The following DLG2 variants were observed in gnomAD, a reference collection of about 807,000 sequenced individuals.
DLG2 encodes the protein discs large MAGUK scaffold protein 2, also known as disks large homolog 2.
Under a neutral mutation model 132.5 loss-of-function variants are expected in DLG2, and 45 were observed. That is an observed-to-expected ratio of 0.34 (90% confidence interval 0.27 to 0.44). The LOEUF (loss-of-function observed/expected upper bound fraction) is 0.44, where lower values mean the gene tolerates loss of function less well. DLG2 is among the 20% of genes least tolerant of loss of function. The probability of loss-of-function intolerance (pLI) is 1.00; values close to 1 mark genes in which losing one functional copy is unlikely to be tolerated. For missense variants in DLG2, 1,045 were observed against 1,196.9 expected (o/e 0.87, Z 1.87); for synonymous variants, 424 against 419.6 (o/e 1.01, Z -0.13).
rs1262901071 is a variant in DLG2, at chr11:85,086,983, A to G, written c.357+24678T>C. Among the ~76,000 whole-genome samples, 7 of 152,170 alleles carry G rather than the reference A, an allele frequency of 4.6e-5. No homozygotes were observed. In the East Asian group the frequency reaches 1.2e-3, roughly 25 times the overall value. ...TTTAAATATCTTTGTGTTCATTTCCATATGTTATTTTCTCAATAGCCTTTT... is the reference window on the plus strand; with the variant it reads ...TTTAAATATCTTTGTGTTCATTTCCGTATGTTATTTTCTCAATAGCCTTTT... On this transcript the variant is annotated intron_variant, in intron 6 of 27. Transcript: ENST00000376104.
intron 6 of DLG2, among the ~76,000 whole-genome samples, chr11:84,946,886 G>T (rs1379012492): frequency 2.0e-5 from 3 of 152,192 alleles, no homozygotes; most frequent in African/African-American, 7.2e-5. Flanking sequence ...CGGAACTCAG[G>T]TTCTGGCTGC....
intron 6 of DLG2, among the ~76,000 whole-genome samples, chr11:84,899,089 A>G (rs1311981094): frequency 6.6e-6 from 1 of 152,068 alleles, no homozygotes; most frequent in African/African-American, 2.4e-5. Flanking sequence ...GGCCAACAGA[A>G]TAGATCACTA....
chr11:83,986,301 T>C (rs1156487368), intron 11 of DLG2, among the ~76,000 whole-genome samples: 4 of 151,136 alleles, frequency 2.6e-5, no homozygotes, highest in Non-Finnish European at 2.9e-5. Context: ...TGAGTGAGAA[T>C]ATGCGGCATT....
chr11:84,349,264 C>A (rs1275234464), intron 7 of DLG2, among the ~76,000 whole-genome samples: 1 of 152,008 alleles, frequency 6.6e-6, no homozygotes, highest in Non-Finnish European at 1.5e-5. Flanking sequence ...ATTGATGGGT[C>A]AGAAAATATT....
At chr11:83,723,147 G>A (rs888114450) in intron 18 of DLG2, among the ~76,000 whole-genome samples, 6 of 151,850 alleles carry the variant, frequency 4.0e-5, no homozygotes, top group East Asian at 2.0e-4. Context: ...TTGGGAGGCC[G>A]AGGAGGGCAG....
chr11:85,240,287 T>A (rs2075811953), intron 4 of DLG2, among the ~76,000 whole-genome samples: 1 of 151,908 alleles, frequency 6.6e-6, no homozygotes, highest in South Asian at 2.1e-4. Flanking sequence ...TATATATTGA[T>A]GTTGACTTTA....
chr11:84,277,049 A>G (rs2154367907), intron 7 of DLG2, among the ~76,000 whole-genome samples: 1 of 152,306 alleles, frequency 6.6e-6, no homozygotes. Context: ...AGTTGTGGCC[A>G]ATGGACTTGT....
intron 8 of DLG2, among the ~76,000 whole-genome samples, chr11:84,196,805 C>T (rs1412152387): frequency 6.6e-6 from 1 of 151,846 alleles, no homozygotes; most frequent in Admixed American, 6.6e-5. Context: ...CTTTGGGAGG[C>T]CGAGACGGGT....
chr11:83,719,184 A>G (rs541911992), intron 18 of DLG2, among the ~76,000 whole-genome samples: 1 of 152,334 alleles, frequency 6.6e-6, no homozygotes, highest in African/African-American at 2.4e-5. Flanking sequence ...AGGTGTATGC[A>G]TATGGCACTT....
intron 2 of DLG2, among the ~76,000 whole-genome samples, chr11:85,614,820 T>C (rs895178718): frequency 3.9e-5 from 6 of 152,236 alleles, no homozygotes; most frequent in African/African-American, 1.2e-4. Context: ...GGGGAAATTT[T>C]AGACTGAGGG....
intron 5 of DLG2, among the ~76,000 whole-genome samples, chr11:85,141,231 T>C (rs980233712): frequency 4.0e-5 from 6 of 151,854 alleles, no homozygotes; most frequent in African/African-American, 1.2e-4. Flanking sequence ...CCAGAACTCA[T>C]TATTTCCTGC....
chr11:84,436,072 C>T (rs2098999704), intron 7 of DLG2, among the ~76,000 whole-genome samples: 1 of 152,110 alleles, frequency 6.6e-6, no homozygotes, highest in African/African-American at 2.4e-5. Context: ...ACCTCAAAAG[C>T]CAACTGTTCA....
intron 3 of DLG2, among the ~76,000 whole-genome samples, chr11:85,544,763 G>C (rs2076196816): frequency 6.6e-6 from 1 of 152,110 alleles, no homozygotes; most frequent in Non-Finnish European, 1.5e-5. Context: ...AAATGTGAAT[G>C]GGAGTTCACT....
chr11:84,330,263 A>G (rs1181321066), intron 7 of DLG2, among the ~76,000 whole-genome samples: 1 of 152,202 alleles, frequency 6.6e-6, no homozygotes, highest in Non-Finnish European at 1.5e-5. Context: ...TATTGGTCCT[A>G]AACTTATTTT....
At chr11:84,871,257 G>C (rs1334323137) in intron 6 of DLG2, among the ~76,000 whole-genome samples, 1 of 152,188 alleles carries the variant, frequency 6.6e-6, no homozygotes, top group Admixed American at 6.5e-5. Context: ...ATCTCAGATA[G>C]CTCCCTAGAA....
At chr11:84,521,015 C>G (rs557456698) in intron 7 of DLG2, among the ~76,000 whole-genome samples, 2 of 152,150 alleles carry the variant, frequency 1.3e-5, no homozygotes, top group Non-Finnish European at 2.9e-5. Flanking sequence ...GTACATTAGT[C>G]TTTGAGATGT....
At chr11:84,555,148 T>C (rs2099409465) in intron 6 of DLG2, among the ~76,000 whole-genome samples, 2 of 152,128 alleles carry the variant, frequency 1.3e-5, no homozygotes, top group South Asian at 4.1e-4. Flanking sequence ...AGGAGAGTGA[T>C]ATGACCTGAT....
chr11:84,681,595 C>T (rs2099730150), intron 6 of DLG2, among the ~76,000 whole-genome samples: 1 of 152,130 alleles, frequency 6.6e-6, no homozygotes, highest in South Asian at 2.1e-4. Context: ...AACATGCTGG[C>T]TCTTCCAACC....
intron 6 of DLG2, among the ~76,000 whole-genome samples, chr11:85,037,383 G>T (rs187827037): frequency 6.6e-6 from 1 of 152,278 alleles, no homozygotes; most frequent in East Asian, 1.9e-4. Flanking sequence ...ATAAGTTGAG[G>T]ATTATAATGC....
Sources: gnomAD v4.1 joint callset for allele counts (sites outside exome capture counted in the v4.1 genomes callset) on GRCh38, gnomAD v4.1.1 for gene constraint, MANE v1.5 for transcripts, NCBI Gene and HGNC (gene_info 2026-07-23, HGNC 2026-07-21) for gene names.